HSD17B12: variants seen among roughly 807,000 people sequenced by gnomAD.
HSD17B12 encodes the protein very-long-chain 3-oxoacyl-CoA reductase.
A neutral mutation model predicts 39.3 loss-of-function variants in HSD17B12; 32 were observed. That is an observed-to-expected ratio of 0.81 (90% CI 0.61 to 1.09). The LOEUF (loss-of-function observed/expected upper bound fraction) is 1.09, where lower values mean the gene tolerates loss of function less well. HSD17B12 is among the 50% of genes least tolerant of loss of function. The pLI is 0.00. For missense variants in HSD17B12, 342 were observed against 382.9 expected, an observed-to-expected ratio of 0.89 and a Z score of 0.89; for synonymous variants, 150 against 146.7, an observed-to-expected ratio of 1.02 and a Z score of -0.16.
At chr11:43,744,054 G>T (rs1950392523) in intron 1 of HSD17B12, among the ~76,000 whole-genome samples, 1 of 152,124 alleles carries the variant, frequency 6.6e-6, no homozygotes, top group Non-Finnish European at 1.5e-5. Context: ...CATTTAAAAA[G>T]TACATAGATG....
chr11:43,659,520 C>T, the HSD17B12 span, among the ~76,000 whole-genome samples: 4 of 152,188 alleles, frequency 2.6e-5, no homozygotes, highest in South Asian at 2.1e-4. Context: ...TGATCCTATT[C>T]GGCCATCTTG....
chr11:43,804,084 AATT>A (rs1950996400), intron 4 of HSD17B12, among the ~76,000 whole-genome samples: 2 of 152,300 alleles, frequency 1.3e-5, no homozygotes, highest in Non-Finnish European at 2.9e-5. Context: ...ACTTTTTTCA[AATT>A]CTACTACTAT....
chr11:43,703,221 G>A (rs1364027976), intron 1 of HSD17B12, among the ~76,000 whole-genome samples: 4 of 152,002 alleles, frequency 2.6e-5, no homozygotes, highest in African/African-American at 7.2e-5. Context: ...TTGAGACGGA[G>A]TCTCGCTCTG....
Position 43,705,307 on chromosome 11 carries a change from G to C in HSD17B12, c.160+24320G>C, listed in dbSNP as rs549093391. On this transcript the variant is annotated intron_variant, in intron 1 of 10. Coordinates refer to ENST00000278353, the MANE Select transcript of HSD17B12 (RefSeq NM_016142.3). ...AAAACCAAAGAGTAGAGGTATGTGG[G>C]AATTGTCTTATTACCATTATTCTTT... Among the ~76,000 whole-genome samples, 13 of 152,304 alleles carry C rather than the reference G, an allele frequency of 8.5e-5. No homozygotes were observed. The South Asian group carries it at 1.0e-3, about 12-fold the overall frequency.
At chr11:43,579,688 C>G in the HSD17B12 span, among the ~76,000 whole-genome samples, 1 of 152,028 alleles carries the variant, frequency 6.6e-6, no homozygotes, top group African/African-American at 2.4e-5. Context: ...CGCAGACGCT[C>G]GGAGGGTGTG....
chr11:43,713,043 A>T (rs938187500), intron 1 of HSD17B12, among the ~76,000 whole-genome samples: 7 of 152,230 alleles, frequency 4.6e-5, no homozygotes, highest in Non-Finnish European at 8.8e-5. Context: ...TGTTTTACTC[A>T]TTGAAGGCAC....
chr11:43,702,269 T>C (rs1198107051), intron 1 of HSD17B12, among the ~76,000 whole-genome samples: 1 of 152,202 alleles, frequency 6.6e-6, no homozygotes, highest in Non-Finnish European at 1.5e-5. Flanking sequence ...TTACATCATC[T>C]CCAAACAAGG....
chr11:43,795,105 G>A (rs1375861751), intron 3 of HSD17B12, among the ~76,000 whole-genome samples: 1 of 152,098 alleles, frequency 6.6e-6, no homozygotes, highest in Non-Finnish European at 1.5e-5. Flanking sequence ...TGTTCCAGGT[G>A]CTTAATTCAC....
the HSD17B12 span, among the ~76,000 whole-genome samples, chr11:43,627,944 C>T: frequency 1.3e-5 from 2 of 151,838 alleles, no homozygotes; most frequent in African/African-American, 2.4e-5. Context: ...ATAAATATTA[C>T]AAAGTAATGA....
intron 3 of HSD17B12, among the ~76,000 whole-genome samples, chr11:43,776,859 G>C (rs1200538909): frequency 5.9e-5 from 9 of 152,098 alleles, no homozygotes; most frequent in Non-Finnish European, 1.2e-4. Flanking sequence ...TTATTAAATA[G>C]GGAATCCTTT....
chr11:43,660,001 C>T, the HSD17B12 span, among the ~76,000 whole-genome samples: 11 of 152,272 alleles, frequency 7.2e-5, no homozygotes, highest in African/African-American at 1.9e-4. Flanking sequence ...AATCACTCCA[C>T]GCCTGCTAGC....
intron 8 of HSD17B12, 131 bp downstream of exon 8, chr11:43,838,529 A>C (rs908016296): frequency 2.4e-5 from 16 of 669,534 alleles, no homozygotes; most frequent in Non-Finnish European, 3.4e-5. Context: ...GAAGAAAAGG[A>C]AAATACCCTA....
chr11:43,579,955 C>CA, the HSD17B12 span, among the ~76,000 whole-genome samples: 1 of 151,958 alleles, frequency 6.6e-6, no homozygotes, highest in Non-Finnish European at 1.5e-5. Context: ...CAAGTTCTTG[C>CA]AATGTTTGCA....
chr11:43,654,247 C>G, the HSD17B12 span, among the ~76,000 whole-genome samples: 1 of 152,032 alleles, frequency 6.6e-6, no homozygotes, highest in African/African-American at 2.4e-5. Flanking sequence ...GGGTTGTTTG[C>G]TTTTTTCTTG....
intron 4 of HSD17B12, among the ~76,000 whole-genome samples, chr11:43,813,767 T>G (rs1033896202): frequency 2.0e-5 from 3 of 152,186 alleles, no homozygotes; most frequent in African/African-American, 7.2e-5. Flanking sequence ...AAAATGGATC[T>G]GGACCTGCTG....
the HSD17B12 span, chr11:43,670,391 T>C: frequency 3.3e-5 from 5 of 152,212 alleles, no homozygotes; most frequent in Non-Finnish European, 5.9e-5. Flanking sequence ...TTCATATATA[T>C]TTTGATATAA....
chr11:43,689,655 TCC>T (rs1257794509), intron 1 of HSD17B12, among the ~76,000 whole-genome samples: 3 of 152,168 alleles, frequency 2.0e-5, no homozygotes. Flanking sequence ...CAAGTGATTC[TCC>T]TGCCTCAGCC....
chr11:43,810,367 TTATATATATA>T (rs59970877), intron 4 of HSD17B12, among the ~76,000 whole-genome samples: 1,562 of 59,646 alleles, frequency 0.026, 26 homozygotes, highest in Non-Finnish European at 0.037. Context: ...AATTTAGAAA[TTATATATATA>T]TATATATATA....
At chr11:43,838,259 C>A in intron 7 of HSD17B12, 58 bp from the exon 8 acceptor site, 1 of 1,139,240 alleles carries the variant, frequency 8.8e-7, no homozygotes, top group Non-Finnish European at 1.3e-6. Flanking sequence ...ATCTGTAATT[C>A]ACAAACAACT....
Sources: allele counts gnomAD v4.1 joint callset (sites outside exome capture counted in the v4.1 genomes callset), GRCh38; gene constraint gnomAD v4.1.1; transcripts MANE v1.5; gene names NCBI Gene and HGNC (gene_info 2026-07-23, HGNC 2026-07-21).